Variants in STAM observed in about 807,000 individuals in gnomAD.
STAM encodes the protein signal transducing adaptor molecule.
STAM carries 16 observed loss-of-function variants against 63.4 expected under a neutral mutation model. That is an observed-to-expected ratio of 0.25 (90% CI 0.17 to 0.38). STAM has a LOEUF of 0.38. STAM is among the 10% of genes least tolerant of loss of function. The pLI is 1.00. For missense variants in STAM, 636 were observed against 657.1 expected (o/e 0.97, Z 0.35); for synonymous variants, 238 against 223.9 (o/e 1.06, Z -0.56).
intron 13 of STAM, among the ~76,000 whole-genome samples, chr10:17,710,632 G>A (rs1268576618): frequency 1.3e-5 from 2 of 152,062 alleles, no homozygotes; most frequent in East Asian, 3.8e-4. Flanking sequence ...GTGTACTTCC[G>A]TTTCCTGGCT....
chr10:17,710,905 C>T (rs1242507837), intron 13 of STAM, among the ~76,000 whole-genome samples: 1 of 152,054 alleles, frequency 6.6e-6, no homozygotes, highest in South Asian at 2.1e-4. Flanking sequence ...TATAAAGGTA[C>T]AATATGTAAT....
chr10:17,661,483 T>G (rs1834163443), intron 2 of STAM, among the ~76,000 whole-genome samples: 1 of 152,206 alleles, frequency 6.6e-6, no homozygotes. Flanking sequence ...TGTCTTTATG[T>G]AGATGGCATC....
chr10:17,703,457 G>A (rs1836108987), intron 9 of STAM, among the ~76,000 whole-genome samples: 1 of 151,808 alleles, frequency 6.6e-6, no homozygotes, highest in Non-Finnish European at 1.5e-5. Context: ...CTTAGGATTA[G>A]TAGTCTTTAT....
intron 13 of STAM, among the ~76,000 whole-genome samples, chr10:17,712,816 G>A (rs1836615569): frequency 6.6e-6 from 1 of 152,070 alleles, no homozygotes; most frequent in South Asian, 2.1e-4. Context: ...TTTTTTAATG[G>A]GAGCAGTGCA....
rs7919477 is a variant in STAM at position 17,691,202 on chromosome 10, T to G, written c.445-2020T>G. On this transcript the variant is annotated intron_variant, in intron 5 of 13. Transcript: ENST00000377524. ...TTGTATTCTGTGAACACCAAAAAGT[T>G]TTTTTCTTCTCAGCTCTTCTAAAAA... Among the ~76,000 whole-genome samples the G allele has an allele frequency of 5.3e-3, 800 of 152,244 alleles. 12 individuals are homozygous for G. The highest frequency in any genetic ancestry group is 0.019 in the African/African-American group (775 of 41,548).
At chr10:17,690,120 A>G (rs1206921290) in intron 5 of STAM, among the ~76,000 whole-genome samples, 1 of 152,240 alleles carries the variant, frequency 6.6e-6, no homozygotes, top group Admixed American at 6.5e-5. Context: ...AGAATGGTTA[A>G]GTGACTTGCC....
At chr10:17,658,410 T>G (rs1416824306) in intron 1 of STAM, among the ~76,000 whole-genome samples, 1 of 152,196 alleles carries the variant, frequency 6.6e-6, no homozygotes, top group Non-Finnish European at 1.5e-5. Flanking sequence ...TATTCTGTTG[T>G]TTTTGGATGA....
chr10:17,676,739 T>G (rs1834872569), intron 2 of STAM, among the ~76,000 whole-genome samples: 1 of 152,136 alleles, frequency 6.6e-6, no homozygotes, highest in Admixed American at 6.6e-5. Flanking sequence ...GAGAATGAAT[T>G]ATATAGACAC....
rs1199684223 is a variant in STAM at position 17,715,242 on chromosome 10, G to A, written c.*462G>A. On this transcript the variant is annotated 3_prime_UTR_variant, in exon 14 of 14. Transcript: ENST00000377524. ...ATAAACAACTACCATGTTTCTTAAT[G>A]TTTTGTGTAAATTTAAGGTAATTAT... The A allele has an allele frequency of 1.8e-5, 3 of 164,058 alleles. No individual in the cohort carries two copies. The highest frequency in any genetic ancestry group is 4.1e-5 in the Non-Finnish European group (3 of 73,904). 10.2% of individuals were successfully genotyped at this position (164,058 alleles called of 1,614,324 possible). A position where few individuals can be genotyped will look rare whatever the true frequency, so the allele number is the denominator to read the frequency against.
At chr10:17,665,864 C>T (rs1554823326) in intron 2 of STAM, among the ~76,000 whole-genome samples, 1 of 152,084 alleles carries the variant, frequency 6.6e-6, no homozygotes, top group Admixed American at 6.6e-5. Context: ...AAGATATTCA[C>T]ATGATTTCTA....
intron 1 of STAM, among the ~76,000 whole-genome samples, chr10:17,644,810 G>C (rs1833456953): frequency 6.6e-6 from 1 of 152,208 alleles, no homozygotes; most frequent in Admixed American, 6.5e-5. Context: ...AATGTTTTAG[G>C]TAAGGTTCCT....
At chr10:17,652,826 C>T (rs1417271752) in intron 1 of STAM, among the ~76,000 whole-genome samples, 1 of 152,082 alleles carries the variant, frequency 6.6e-6, no homozygotes, top group Admixed American at 6.6e-5. Context: ...GGGTTGAGTA[C>T]CTAGGGAGCA....
chr10:17,715,087 G>T lies in STAM; in HGVS notation c.*307G>T. ...GCAGAAAGTCAAACTTACAAAAACT[G>T]TTGTGACAAATGTTATGTACATATA... On this transcript the variant is annotated 3_prime_UTR_variant, in exon 14 of 14. Coordinates refer to ENST00000377524, the MANE Select transcript of STAM (RefSeq NM_003473.4). 2.7e-6 allele frequency: 1 copy of T among 370,622 alleles called. No individual in the cohort carries two copies. The highest frequency in any genetic ancestry group is 2.7e-5 in the South Asian group (1 of 36,938). 23.0% of individuals were successfully genotyped at this position (370,622 alleles called of 1,614,324 possible). A position where few individuals can be genotyped will look rare whatever the true frequency, so the allele number is the denominator to read the frequency against.
At chr10:17,691,933 C>T (rs1381574846) in intron 5 of STAM, among the ~76,000 whole-genome samples, 1 of 152,182 alleles carries the variant, frequency 6.6e-6, no homozygotes, top group Non-Finnish European at 1.5e-5. Flanking sequence ...GGTCTGTTTA[C>T]ACTGTAGTTG....
At chr10:17,710,675 C>A (rs1282331239) in intron 13 of STAM, among the ~76,000 whole-genome samples, 1 of 152,158 alleles carries the variant, frequency 6.6e-6, no homozygotes, top group Admixed American at 6.5e-5. Context: ...TGTATCCCCA[C>A]TGAAGACAGT....
In STAM at chr10:17,715,331, TGTC is replaced by T. The variant is rs782711933; in HGVS notation, c.*554_*556del. On this transcript the variant is annotated 3_prime_UTR_variant, in exon 14 of 14. Coordinates refer to ENST00000377524, the MANE Select transcript of STAM (RefSeq NM_003473.4). ...GTATTTACATGAAGGCGCATTATGT[TGTC>T]GTGTGTTTCAGTTTCACATTAAACT... 51 of 162,490 alleles carry T rather than the reference TGTC, an allele frequency of 3.1e-4. No individual in the cohort carries two copies. Among genetic ancestry groups the T allele is most frequent in the East Asian group, 1.2e-3 (7 of 5,874 alleles). 10.1% of individuals were successfully genotyped at this position (162,490 alleles called of 1,614,324 possible).
intron 11 of STAM, 93 bp from the exon 12 acceptor site, chr10:17,705,492 ACTT>A: frequency 7.3e-7 from 1 of 1,372,004 alleles, no homozygotes; most frequent in Non-Finnish European, 9.9e-7. Context: ...TACTAGTACT[ACTT>A]TTTGCCATTT....
Position 17,708,262 on chromosome 10 carries a change from T to C in STAM, c.1210-514T>C, listed in dbSNP as rs1218838410. 3.3e-5 allele frequency among the ~76,000 whole-genome samples: 5 copies of C among 152,346 alleles called. No individual in the cohort carries two copies. In the East Asian group the frequency reaches 7.7e-4, roughly 24 times the overall value. The stretch of plus-strand genomic sequence containing the variant: ...AGAGCCGAGTAGTTGTGTCAGAGAC[T>C]ACATGGTCCACAAAACTTAAAATAT... On this transcript the variant is annotated intron_variant, in intron 12 of 13. Transcript: ENST00000377524.
rs376758308 is a variant in STAM at position 17,705,758 on chromosome 10, C to A, written c.1209+17C>A. On this transcript the variant is annotated intron_variant, in intron 12 of 13. Coordinates refer to ENST00000377524, the MANE Select transcript of STAM (RefSeq NM_003473.4). ...GGTTCTCAGGTAAGCTTTTAGAAGC[C>A]CATGTTGTTTTAAATTCTCAAATGC... The A allele has an allele frequency of 1.2e-5, 19 of 1,604,376 alleles. No individual in the cohort carries two copies. Among genetic ancestry groups the A allele is most frequent in the Admixed American group, 3.4e-5 (2 of 58,084 alleles).
Sources: allele counts gnomAD v4.1 joint callset (sites outside exome capture counted in the v4.1 genomes callset), GRCh38; gene constraint gnomAD v4.1.1; transcripts MANE v1.5; gene names NCBI Gene and HGNC (gene_info 2026-07-23, HGNC 2026-07-21).